Variants in TMC2 observed in about 807,000 individuals in gnomAD.
The protein encoded by TMC2 is transmembrane channel like 2, also known as transmembrane channel-like protein 2.
A neutral mutation model predicts 105.9 loss-of-function variants in TMC2; 102 were observed. The ratio of observed to expected loss-of-function variants is 0.96; its 90% CI spans 0.82 to 1.14. The LOEUF (loss-of-function observed/expected upper bound fraction) is 1.14. Among genes scored for constraint, TMC2 ranks in the 50% most tolerant of loss-of-function variants. The probability of loss-of-function intolerance (pLI) is 0.00; values close to 1 mark genes in which losing one functional copy is unlikely to be tolerated. For missense variants in TMC2, 1,093 were observed against 1,134.3 expected (o/e 0.96, Z 0.52); for synonymous variants, 402 against 422.8 (o/e 0.95, Z 0.60).
At chr20:2,632,930 G>A (rs1422343578) in intron 17 of TMC2, among the ~76,000 whole-genome samples, 2 of 152,212 alleles carry the variant, frequency 1.3e-5, no homozygotes, top group Non-Finnish European at 2.9e-5. Flanking sequence ...ATCTTAAATA[G>A]TATTATATGG....
At chr20:2,609,705 T>G (rs1398693354) in intron 11 of TMC2, among the ~76,000 whole-genome samples, 1 of 152,086 alleles carries the variant, frequency 6.6e-6, no homozygotes, top group East Asian at 1.9e-4. Flanking sequence ...AGGTGAGAAC[T>G]ACATGGACAG....
rs2146246538 is a variant in TMC2 at position 2,616,383 on chromosome 20, C to T, written c.1940+179C>T. 6.6e-6 allele frequency among the ~76,000 whole-genome samples: 1 copy of T among 151,898 alleles called. No individual in the cohort carries two copies. The highest frequency in any genetic ancestry group is 6.6e-5 in the Admixed American group (1 of 15,266). On this transcript the variant is annotated intron_variant, in intron 15 of 19. Transcript: ENST00000358864. The surrounding 1 kb of genome is among the most constrained non-coding windows in gnomAD (Gnocchi z 4.8). ...AGATGAGAAGCAGGACAGTTTCTGG[C>T]CCACCCATGTGCTACCATAGAAGTA...
intron 19 of TMC2, among the ~76,000 whole-genome samples, chr20:2,639,360 G>A (rs541000170): frequency 1.1e-3 from 165 of 152,264 alleles, no homozygotes; most frequent in African/African-American, 3.5e-3. Flanking sequence ...CAGTGCCCTA[G>A]ACAGGTTTAC....
At chr20:2,610,906 C>G (rs2086433095) in intron 12 of TMC2, among the ~76,000 whole-genome samples, 1 of 152,162 alleles carries the variant, frequency 6.6e-6, no homozygotes, top group Non-Finnish European at 1.5e-5. Flanking sequence ...AAATGATTAA[C>G]AGCCAAGTAA....
intron 4 of TMC2, among the ~76,000 whole-genome samples, chr20:2,571,103 G>T (rs1190769905): frequency 6.6e-6 from 1 of 152,130 alleles, no homozygotes; most frequent in Non-Finnish European, 1.5e-5. Flanking sequence ...AAGAATTTAC[G>T]ACTAAGTCCT....
chr20:2,621,212 A>G (rs952514462), intron 16 of TMC2, among the ~76,000 whole-genome samples: 1 of 151,998 alleles, frequency 6.6e-6, no homozygotes, highest in African/African-American at 2.4e-5. Flanking sequence ...GATACAAAAA[A>G]TTAGCCAGGT....
rs899339932 is a variant in TMC2, at chr20:2,594,774, C to T, written c.934-51C>T. On this transcript the variant is annotated intron_variant, in intron 8 of 19. Transcript: ENST00000358864. ...TGGTAGAGTAGACATGTCTGGTAAC[C>T]ACCAGCTCTGAGCTTACCAACCCAG... is the stretch of plus-strand genomic sequence containing the variant. 5 of 1,584,674 alleles carry T rather than the reference C, an allele frequency of 3.2e-6. No individual in the cohort carries two copies. The African/African-American group carries it at 5.4e-5, about 17-fold the overall frequency.
In TMC2 at chr20:2,570,969, C is replaced by A. The variant is rs145434978; in HGVS notation, c.555-1210C>A. 7.5e-3 allele frequency among the ~76,000 whole-genome samples: 1,136 copies of A among 152,174 alleles called. 11 individuals carry two copies. Among genetic ancestry groups the A allele is most frequent in the African/African-American group, 0.025 (1,055 of 41,510 alleles). ...CATATGCAGAAGAGTGAAACTGGACCCCCGCCTCTCACCATACACAAAAAT... is the reference window on the plus strand; with the variant it reads ...CATATGCAGAAGAGTGAAACTGGACACCCGCCTCTCACCATACACAAAAAT... On this transcript the variant is annotated intron_variant, in intron 4 of 19. Coordinates refer to ENST00000358864, the MANE Select transcript of TMC2 (RefSeq NM_080751.3).
At chr20:2,546,635 A>G (rs2085928134) in intron 2 of TMC2, among the ~76,000 whole-genome samples, 1 of 152,134 alleles carries the variant, frequency 6.6e-6, no homozygotes, top group South Asian at 2.1e-4. Context: ...GTTGAAGGAC[A>G]TGATCAACTC....
At chr20:2,595,859 T>C (rs1419186241) in intron 9 of TMC2, among the ~76,000 whole-genome samples, 1 of 152,186 alleles carries the variant, frequency 6.6e-6, no homozygotes, top group Non-Finnish European at 1.5e-5. Context: ...TTGGTTTTCT[T>C]TCACATGGTC....
chr20:2,579,062 G>A, intron 5 of TMC2, 84 bp from the exon 6 acceptor site: 2 of 745,636 alleles, frequency 2.7e-6, no homozygotes, highest in South Asian at 1.5e-5. Flanking sequence ...CTGACCTGTC[G>A]GCCTCCTCGT....
chr20:2,559,012 C>T (rs554709063), intron 3 of TMC2, among the ~76,000 whole-genome samples: 1 of 152,276 alleles, frequency 6.6e-6, no homozygotes, highest in African/African-American at 2.4e-5. Context: ...GGGCTCTCCA[C>T]TCCAGCGCCT....
chr20:2,557,291 C>G (rs1349106124), intron 2 of TMC2, among the ~76,000 whole-genome samples: 1 of 152,100 alleles, frequency 6.6e-6, no homozygotes, highest in Non-Finnish European at 1.5e-5. Context: ...TTTTTGCTTT[C>G]AGTTTGGGAA....
intron 9 of TMC2, among the ~76,000 whole-genome samples, 187 bp from the exon 10 acceptor site, chr20:2,596,964 G>C (rs1052818220): frequency 3.9e-5 from 6 of 152,086 alleles, no homozygotes; most frequent in East Asian, 1.9e-4. Context: ...TCTGAATTTG[G>C]GGGGAAGGGT....
rs558022407 is a variant in TMC2 at position 2,566,297 on chromosome 20, T to TA, written c.554+4293dup. 2.4e-3 allele frequency among the ~76,000 whole-genome samples: 359 copies of TA among 152,316 alleles called. 5 individuals are homozygous for TA. Among genetic ancestry groups the TA allele is most frequent in the African/African-American group, 8.3e-3 (347 of 41,568 alleles). ...AAGTGCCCAGCATATAATATGCAAT[T>TA]AAAAAATAGCGATTACTGTTATTAT... On this transcript the variant is annotated intron_variant, in intron 4 of 19. Coordinates refer to ENST00000358864, the MANE Select transcript of TMC2 (RefSeq NM_080751.3).
rs575185792 is a variant in TMC2, at chr20:2,536,583, T to C, written c.-39T>C. The C allele has an allele frequency of 3.2e-6, 5 of 1,557,768 alleles. No individual in the cohort carries two copies. Among genetic ancestry groups the C allele is most frequent in the African/African-American group, 2.7e-5 (2 of 73,792 alleles). ...TGAAGGCGTGCATACAGGAGCACGC[T>C]GCGTGAGCCTGTGCAGGACCCCAGC... On this transcript the variant is annotated 5_prime_UTR_variant, in exon 1 of 20. Coordinates refer to ENST00000358864, the MANE Select transcript of TMC2 (RefSeq NM_080751.3).
intron 4 of TMC2, among the ~76,000 whole-genome samples, chr20:2,570,850 C>T (rs1482397525): frequency 6.6e-6 from 1 of 152,024 alleles, no homozygotes; most frequent in Non-Finnish European, 1.5e-5. Flanking sequence ...AAGCTGCCCA[C>T]CTACAACCAT....
chr20:2,636,663 C>T (rs1040488845), intron 18 of TMC2, among the ~76,000 whole-genome samples: 3 of 152,016 alleles, frequency 2.0e-5, no homozygotes, highest in Non-Finnish European at 4.4e-5. Flanking sequence ...CTCGCTCTGT[C>T]ACCAGGCTGG....
intron 2 of TMC2, among the ~76,000 whole-genome samples, chr20:2,553,364 A>T (rs1326337033): frequency 6.6e-6 from 1 of 152,022 alleles, no homozygotes; most frequent in Non-Finnish European, 1.5e-5. Flanking sequence ...ATTGTTTTTC[A>T]TTAGCTGTTG....
Sources: gnomAD v4.1 joint callset for allele counts (sites outside exome capture counted in the v4.1 genomes callset) on GRCh38, gnomAD v4.1.1 for gene constraint, Gnocchi (gnomAD v3.1) non-coding constraint, MANE v1.5 for transcripts, NCBI Gene and HGNC (gene_info 2026-07-23, HGNC 2026-07-21) for gene names.